Variants in GRIK4 observed in about 807,000 individuals in gnomAD.
GRIK4 encodes the protein glutamate receptor ionotropic, kainate 4.
Under a neutral mutation model 104.9 loss-of-function variants are expected in GRIK4, and 40 were observed. The observed-to-expected ratio is 0.38, with a 90% CI of 0.30 to 0.50. The LOEUF (loss-of-function observed/expected upper bound fraction) is 0.50, where lower values mean the gene tolerates loss of function less well. Ranked by LOEUF, GRIK4 falls within the 20% of genes least tolerant of loss-of-function variation. GRIK4 has a pLI of 0.93. For missense variants in GRIK4, 1,047 were observed against 1,308.1 expected (o/e 0.80, Z 3.08); for synonymous variants, 485 against 524.9 (o/e 0.92, Z 1.04).
chr11:120,727,956 A>G (rs983893201), intron 3 of GRIK4, among the ~76,000 whole-genome samples: 1 of 152,110 alleles, frequency 6.6e-6, no homozygotes, highest in East Asian at 1.9e-4. Flanking sequence ...AAGATCCAAT[A>G]TGTGAACAAT....
chr11:120,615,615 A>G (rs7106783), intron 1 of GRIK4, among the ~76,000 whole-genome samples: 3,204 of 152,230 alleles, frequency 0.021, 105 homozygotes, highest in African/African-American at 0.073. Flanking sequence ...TTTTTGTCCC[A>G]GGGAGCCCCT....
chr11:120,651,759 A>G lies in GRIK4; in HGVS notation c.-158-1926A>G, dbSNP rs186962345. On this transcript the variant is annotated intron_variant, in intron 1 of 20. Coordinates refer to ENST00000527524, the MANE Select transcript of GRIK4 (RefSeq NM_014619.5). ...GAGCATCTCCTCATGGGAATTCCTA[A>G]AGGCCAGGGACACCTGGGCTGATCT... Among the ~76,000 whole-genome samples the G allele has an allele frequency of 9.2e-5, 14 of 152,244 alleles. No individual in the cohort carries two copies. In the East Asian group the frequency reaches 2.7e-3, roughly 29 times the overall value.
At chr11:120,639,221 T>C (rs935402401) in intron 1 of GRIK4, among the ~76,000 whole-genome samples, 1 of 151,796 alleles carries the variant, frequency 6.6e-6, no homozygotes, top group African/African-American at 2.4e-5. Context: ...AAAATAAAAA[T>C]AAAAGCAGAG....
intron 1 of GRIK4, among the ~76,000 whole-genome samples, chr11:120,558,691 C>T (rs1343842998): frequency 2.6e-5 from 4 of 152,230 alleles, no homozygotes; most frequent in Non-Finnish European, 5.9e-5. Context: ...GGCATTTATA[C>T]ACAACATAAA....
chr11:120,571,251 G>T, intron 1 of GRIK4, among the ~76,000 whole-genome samples: 1 of 152,222 alleles, frequency 6.6e-6, no homozygotes, highest in Middle Eastern at 3.4e-3. Flanking sequence ...TTGATGGAGC[G>T]TGCTCTCCAG....
At chr11:120,877,338 A>T (rs1267012385) in intron 11 of GRIK4, among the ~76,000 whole-genome samples, 1 of 152,334 alleles carries the variant, frequency 6.6e-6, no homozygotes, top group East Asian at 1.9e-4. Flanking sequence ...GCTGAAAAAG[A>T]TTCAGCCCCT....
At chr11:120,557,966 C>T (rs1037200467) in intron 1 of GRIK4, among the ~76,000 whole-genome samples, 1 of 141,108 alleles carries the variant, frequency 7.1e-6, no homozygotes, top group East Asian at 2.1e-4. Context: ...TGCAGTGAGC[C>T]GAGATTGGGC....
chr11:120,529,275 C>G (rs1284131115), intron 1 of GRIK4, among the ~76,000 whole-genome samples: 1 of 152,208 alleles, frequency 6.6e-6, no homozygotes, highest in Non-Finnish European at 1.5e-5. Flanking sequence ...CTGTGCCACA[C>G]TTTAACACAG....
At chr11:120,779,377 G>A (rs17124321) in intron 3 of GRIK4, among the ~76,000 whole-genome samples, 4 of 152,160 alleles carry the variant, frequency 2.6e-5, no homozygotes, top group Non-Finnish European at 5.9e-5. Flanking sequence ...GGGCATTTCA[G>A]GATGGCATCC....
intron 1 of GRIK4, among the ~76,000 whole-genome samples, chr11:120,568,105 G>C (rs1359273923): frequency 6.6e-6 from 1 of 152,128 alleles, no homozygotes; most frequent in Non-Finnish European, 1.5e-5. Flanking sequence ...TTGAGCCCTG[G>C]AGTTTAAGGA....
At chr11:120,762,591 T>C (rs1951769588) in intron 3 of GRIK4, among the ~76,000 whole-genome samples, 1 of 152,236 alleles carries the variant, frequency 6.6e-6, no homozygotes, top group Non-Finnish European at 1.5e-5. Context: ...AAGTAGCTCT[T>C]ATTATTTTGA....
chr11:120,930,351 G>A (rs138217188), intron 13 of GRIK4, among the ~76,000 whole-genome samples: 8 of 152,336 alleles, frequency 5.3e-5, no homozygotes, highest in South Asian at 2.1e-4. Flanking sequence ...AATGTAAACA[G>A]CAGTAATAGT....
intron 5 of GRIK4, among the ~76,000 whole-genome samples, chr11:120,816,989 G>A (rs1952977548): frequency 6.6e-6 from 1 of 152,204 alleles, no homozygotes; most frequent in Non-Finnish European, 1.5e-5. Context: ...GACCTCACGT[G>A]TAATTTACAT....
At chr11:120,907,722 TAGG>T (rs1942899906) in intron 13 of GRIK4, among the ~76,000 whole-genome samples, 1 of 151,918 alleles carries the variant, frequency 6.6e-6, no homozygotes. Flanking sequence ...GAAGGCGTTG[TAGG>T]AGAACATCTA....
rs377295432 is a variant in GRIK4 at position 120,588,771 on chromosome 11, C to T, written c.-158-64914C>T. Reference sequence around the variant, plus strand: ...TAGGGTGTTTGGCAGTCTCCCTGGCCTCTACCCACCAGATGCCAGTAGCAC... The same window carrying T: ...TAGGGTGTTTGGCAGTCTCCCTGGCTTCTACCCACCAGATGCCAGTAGCAC... On this transcript the variant is annotated intron_variant, in intron 1 of 20. Coordinates refer to ENST00000527524, the MANE Select transcript of GRIK4 (RefSeq NM_014619.5). Among the ~76,000 whole-genome samples the T allele has an allele frequency of 1.1e-4, 16 of 152,256 alleles. No individual in the cohort carries two copies. In the East Asian group the frequency reaches 1.4e-3, roughly 13 times the overall value.
chr11:120,640,359 T>A (rs942648154), intron 1 of GRIK4, among the ~76,000 whole-genome samples: 1 of 152,208 alleles, frequency 6.6e-6, no homozygotes, highest in East Asian at 1.9e-4. Flanking sequence ...CTGTGCCACA[T>A]AGAAGTTTGG....
intron 1 of GRIK4, among the ~76,000 whole-genome samples, chr11:120,625,010 G>A (rs940611654): frequency 2.0e-5 from 3 of 152,186 alleles, no homozygotes; most frequent in Non-Finnish European, 4.4e-5. Flanking sequence ...AAGGCCGGGC[G>A]CGGTGGCTCA....
chr11:120,768,363 T>C (rs1412669141), intron 3 of GRIK4, among the ~76,000 whole-genome samples: 1 of 152,150 alleles, frequency 6.6e-6, no homozygotes, highest in African/African-American at 2.4e-5. Context: ...AGTCATTATT[T>C]GTACATAGAA....
chr11:120,820,342 T>C (rs999421861), intron 6 of GRIK4, among the ~76,000 whole-genome samples: 1 of 152,120 alleles, frequency 6.6e-6, no homozygotes, highest in East Asian at 1.9e-4. Flanking sequence ...ACATATAAAA[T>C]TGGATGCATT....
Sources: allele counts gnomAD v4.1 joint callset (sites outside exome capture counted in the v4.1 genomes callset), GRCh38; gene constraint gnomAD v4.1.1; transcripts MANE v1.5; gene names NCBI Gene and HGNC (gene_info 2026-07-23, HGNC 2026-07-21).